The following ZNF800 variants were observed in gnomAD, a reference collection of about 807,000 sequenced individuals.
ZNF800 encodes the protein zinc finger protein 800.
A neutral mutation model predicts 59.5 loss-of-function variants in ZNF800; 13 were observed. That is an observed-to-expected ratio of 0.22 (90% CI 0.14 to 0.35). ZNF800 has a LOEUF of 0.35. Ranked by LOEUF, ZNF800 falls within the 10% of genes least tolerant of loss-of-function variation. The probability of loss-of-function intolerance (pLI) is 1.00; values close to 1 mark genes in which losing one functional copy is unlikely to be tolerated. For missense variants in ZNF800, 621 were observed against 783.7 expected (o/e 0.79, Z 2.48); for synonymous variants, 266 against 265.7 (o/e 1.00, Z -0.01).
At chr7:127,347,408 A>C (rs996656724) in exon 2 of ZNF800, 1 of 148,902 alleles carries the variant, frequency 6.7e-6, no homozygotes, top group Non-Finnish European at 1.5e-5. Context: ...GGGCGGGGGG[A>C]AACTAGTTTG....
At position 127,357,296 on chromosome 7, in the gene ZNF800, G is replaced by A. The variant is rs188201911; in HGVS notation, n.225-9253C>T. 3.3e-5 allele frequency among the ~76,000 whole-genome samples: 5 copies of A among 152,146 alleles called. No homozygotes were observed. The East Asian group carries it at 9.7e-4, about 29-fold the overall frequency. On this transcript the variant is annotated intron_variant and non_coding_transcript_variant, in intron 1 of 1. Transcript: ENST00000485577. ...TGAGGGCCACAGGATGACAACGCAG[G>A]ATCTACATTTCATTAAATATTCACC...
At chr7:127,363,117 C>G (rs1021375056) in intron 1 of ZNF800, 2 of 152,038 alleles carry the variant, frequency 1.3e-5, no homozygotes, top group Admixed American at 1.3e-4. Context: ...AGACATGGAG[C>G]ACATAGGAAG....
At chr7:127,376,487 G>GCAGTGTATCTGTGTGTTTTGCTGCATTC (rs1800790751) in intron 4 of ZNF800, among the ~76,000 whole-genome samples, 1 of 151,850 alleles carries the variant, frequency 6.6e-6, no homozygotes, top group South Asian at 2.1e-4. Flanking sequence ...ATCACACAGA[G>GCAGTGTATCTGTGTGTTTTGCTGCATTC]ACAATATGCT....
intron 2 of ZNF800, among the ~76,000 whole-genome samples, chr7:127,387,090 TTTTACA>T (rs1169921571): frequency 1.3e-5 from 2 of 152,094 alleles, no homozygotes; most frequent in Non-Finnish European, 2.9e-5. Flanking sequence ...AAAATTTCAT[TTTTACA>T]TAAAGAGGTT....
At position 127,372,917 on chromosome 7, in the gene ZNF800, A is replaced by G. The variant is rs527571311; in HGVS notation, c.1994+425T>C. ...ATTTTTTCCTATAGTTATCGCCTTCACAAGTTCATTCTAATATATTTAACT... is the reference window on the plus strand; with the variant it reads ...ATTTTTTCCTATAGTTATCGCCTTCGCAAGTTCATTCTAATATATTTAACT... On this transcript the variant is annotated intron_variant, in intron 5 of 5. Coordinates refer to ENST00000265827, the MANE Select transcript of ZNF800 (RefSeq NM_176814.5). 3.7e-4 allele frequency: 365 copies of G among 984,708 alleles called. 1 individual carries two copies. In the African/African-American group the frequency reaches 5.2e-3, roughly 14 times the overall value. The allele number at this position is 984,708 out of a possible 1,614,324, so 61.0% of individuals were successfully genotyped here.
intron 2 of ZNF800, among the ~76,000 whole-genome samples, chr7:127,391,104 C>A (rs1325058044): frequency 6.6e-6 from 1 of 152,122 alleles, no homozygotes; most frequent in Non-Finnish European, 1.5e-5. Context: ...ATTAAAATGC[C>A]TAAGAAACTT....
At chr7:127,355,795 G>A (rs1800259919) in intron 1 of ZNF800, among the ~76,000 whole-genome samples, 1 of 152,002 alleles carries the variant, frequency 6.6e-6, no homozygotes, top group African/African-American at 2.4e-5. Context: ...ATGATGACAT[G>A]CTAGTAATAT....
chr7:127,392,013 C>G, intron 1 of ZNF800, 47 bp downstream of exon 1: 1 of 386,612 alleles, frequency 2.6e-6, no homozygotes, highest in East Asian at 3.7e-5. Context: ...GCGTTGGGGT[C>G]TCCCTGGCGG....
chr7:127,377,137 A>C lies in ZNF800; in HGVS notation c.301+49T>G, dbSNP rs751829021. On this transcript the variant is annotated intron_variant, in intron 4 of 5. Transcript: ENST00000265827. The surrounding 1 kb of genome is among the most constrained non-coding windows in gnomAD (Gnocchi z 4.7). ...AATGCAAATGTATACTTGCAGTATAAGAATACTTAGCTGTAAAATGCATAA... is the reference window on the plus strand; with the variant it reads ...AATGCAAATGTATACTTGCAGTATACGAATACTTAGCTGTAAAATGCATAA... 2.6e-5 allele frequency: 39 copies of C among 1,512,174 alleles called. No homozygotes were observed. Among genetic ancestry groups the C allele is most frequent in the Non-Finnish European group, 3.2e-5 (36 of 1,115,992 alleles). The allele number at this position is 1,512,174 out of a possible 1,614,324, so 93.7% of individuals were successfully genotyped here.
At position 127,371,794 on chromosome 7, in the gene ZNF800, T is replaced by TCGTA. The variant is rs1193031163; in HGVS notation, c.*16_*19dup. 1 of 766,206 alleles carries TCGTA rather than the reference T, an allele frequency of 1.3e-6. No homozygotes were observed. The highest frequency in any genetic ancestry group is 2.4e-6 in the Non-Finnish European group (1 of 411,762). 47.5% of individuals were successfully genotyped at this position (766,206 alleles called of 1,614,324 possible). On this transcript the variant is annotated 3_prime_UTR_variant, in exon 6 of 6. Transcript: ENST00000265827. ...CCACAAAAATGAACTCCAAACCTTT[T>TCGTA]CGTACATCACTTGAAGTTATCTGAG...
chr7:127,347,773 C>A (rs891357918), exon 2 of ZNF800: 8 of 152,064 alleles, frequency 5.3e-5, no homozygotes, highest in Non-Finnish European at 1.0e-4. Flanking sequence ...GCTGGTCGGC[C>A]CGTGGAGACG....
intron 1 of ZNF800, among the ~76,000 whole-genome samples, chr7:127,355,023 T>C (rs1236764283): frequency 2.0e-5 from 3 of 152,064 alleles, no homozygotes; most frequent in Non-Finnish European, 2.9e-5. Context: ...ATACACACTC[T>C]CAAAACATTT....
chr7:127,382,029 T>C (rs1800990861), intron 3 of ZNF800, among the ~76,000 whole-genome samples: 1 of 152,110 alleles, frequency 6.6e-6, no homozygotes, highest in African/African-American at 2.4e-5. Context: ...TACCATACAA[T>C]TAAAGTTACA....
At chr7:127,351,893 T>G (rs1800174236) in intron 1 of ZNF800, among the ~76,000 whole-genome samples, 1 of 152,162 alleles carries the variant, frequency 6.6e-6, no homozygotes, top group African/African-American at 2.4e-5. Context: ...AGATGTAAAA[T>G]CAAATGTATT....
In ZNF800 at chr7:127,377,465, C is replaced by A; in HGVS notation, c.158-136G>T. On this transcript the variant is annotated intron_variant, in intron 3 of 5. Transcript: ENST00000265827. The surrounding 1 kb of genome is among the most constrained non-coding windows in gnomAD (Gnocchi z 4.7). Reference sequence around the variant, plus strand: ...AAAATATAGGCATTGCCAATTTCCACCACAGTATATTTAGAACTAAGTTAT... The same window carrying A: ...AAAATATAGGCATTGCCAATTTCCAACACAGTATATTTAGAACTAAGTTAT... 1.6e-6 allele frequency: 1 copy of A among 624,406 alleles called. No homozygotes were observed. Among genetic ancestry groups the A allele is most frequent in the South Asian group, 2.3e-5 (1 of 43,370 alleles). The allele number at this position is 624,406 out of a possible 1,614,324, so 38.7% of individuals were successfully genotyped here. A position where few individuals can be genotyped will look rare whatever the true frequency, so the allele number is the denominator to read the frequency against.
At position 127,375,142 on chromosome 7, in the gene ZNF800, A is replaced by T. The variant is rs112010808; in HGVS notation, c.302-108T>A. The T allele has an allele frequency of 6.2e-4, 558 of 901,514 alleles. 3 individuals are homozygous for T. In the African/African-American group the frequency reaches 8.3e-3, roughly 13 times the overall value. 55.8% of individuals were successfully genotyped at this position (901,514 alleles called of 1,614,324 possible). ...CTATCTCAGAATATATCATATTACC[A>T]GTTTATTTTTATAAGAGCATTATCT... On this transcript the variant is annotated intron_variant, in intron 4 of 5. Coordinates refer to ENST00000265827, the MANE Select transcript of ZNF800 (RefSeq NM_176814.5).
rs181211980 is a variant in ZNF800, at chr7:127,354,450, G to A, written n.225-6407C>T. On this transcript the variant is annotated intron_variant and non_coding_transcript_variant, in intron 1 of 1. Transcript: ENST00000485577. ...ATGGACCAAGGAACAAAAAAATCCC[G>A]GGCTCTACAATTTTCAGACATTGTT... Among the ~76,000 whole-genome samples, 41 of 151,710 alleles carry A rather than the reference G, an allele frequency of 2.7e-4. 1 individual carries two copies. The highest frequency in any genetic ancestry group is 1.1e-3 in the Admixed American group (17 of 15,200).
At chr7:127,343,015 TA>T (rs1425777930), downstream of ZNF800, among the ~76,000 whole-genome samples, 2 of 152,066 alleles carry the variant, frequency 1.3e-5, no homozygotes, top group Non-Finnish European at 2.9e-5. Flanking sequence ...AAAACAGTAA[TA>T]TAATCCATTA....
intron 5 of ZNF800, among the ~76,000 whole-genome samples, chr7:127,372,390 G>A (rs1800656011): frequency 6.7e-6 from 1 of 149,880 alleles, no homozygotes; most frequent in South Asian, 2.1e-4. Context: ...TGAGGCAGGA[G>A]AATTGCTTGA....
Sources: allele counts gnomAD v4.1 joint callset (sites outside exome capture counted in the v4.1 genomes callset), GRCh38; gene constraint gnomAD v4.1.1; non-coding constraint Gnocchi (gnomAD v3.1); transcripts MANE v1.5; gene names NCBI Gene and HGNC (gene_info 2026-07-23, HGNC 2026-07-21).